KCNMA1: variants seen among roughly 807,000 people sequenced by gnomAD.
KCNMA1 encodes Calcium-activated potassium channel subunit alpha-1.
A neutral mutation model predicts 140.0 loss-of-function variants in KCNMA1; 29 were observed. The observed-to-expected ratio is 0.21, with a 90% CI of 0.15 to 0.28. The LOEUF is 0.28. Ranked by LOEUF, KCNMA1 falls within the 10% of genes least tolerant of loss-of-function variation. The pLI, the probability that KCNMA1 is intolerant of heterozygous loss-of-function variation, is 1.00. For missense variants in KCNMA1, 880 were observed against 1,602.2 expected (o/e 0.55, Z 7.70); for synonymous variants, 612 against 611.9 (o/e 1.00, Z 0.00).
Position 77,397,099 on chromosome 10 carries a change from T to C in KCNMA1, c.540+6763A>G, listed in dbSNP as rs537521140. 2.4e-4 allele frequency among the ~76,000 whole-genome samples: 36 copies of C among 152,284 alleles called. No homozygotes were observed. The South Asian group carries it at 7.0e-3, about 30-fold the overall frequency. On this transcript the variant is annotated intron_variant, in intron 2 of 27. Transcript: ENST00000286628. ...ATCAACATGGAAATGAATATGAACA[T>C]GCAGAAACTAAGTGACAATGTGGAT...
chr10:77,282,621 G>A (rs979908575), intron 2 of KCNMA1, among the ~76,000 whole-genome samples: 5 of 152,172 alleles, frequency 3.3e-5, no homozygotes, highest in African/African-American at 1.2e-4. Context: ...GGCTTCTTCT[G>A]TGGAATAATT....
At chr10:77,115,982 G>A (rs1040757326) in intron 6 of KCNMA1, among the ~76,000 whole-genome samples, 1 of 152,156 alleles carries the variant, frequency 6.6e-6, no homozygotes, top group African/African-American at 2.4e-5. Flanking sequence ...AAGAAAGAGT[G>A]AGGCACGCCA....
intron 25 of KCNMA1, among the ~76,000 whole-genome samples, chr10:76,892,292 G>T (rs1431818242): frequency 6.6e-6 from 1 of 152,190 alleles, no homozygotes; most frequent in Non-Finnish European, 1.5e-5. Flanking sequence ...GAATGTCCTG[G>T]TAAGTGTACT....
intron 1 of KCNMA1, among the ~76,000 whole-genome samples, chr10:77,486,395 T>C (rs2098460946): frequency 3.3e-5 from 5 of 152,154 alleles, no homozygotes; most frequent in Admixed American, 3.3e-4. Flanking sequence ...TCAAACTGCA[T>C]AGCTGAGGTA....
intron 13 of KCNMA1, among the ~76,000 whole-genome samples, chr10:77,076,476 C>G (rs772278499): frequency 1.3e-5 from 2 of 152,144 alleles, no homozygotes; most frequent in Non-Finnish European, 2.9e-5. Flanking sequence ...AGCATCAGCC[C>G]TTCTATAATG....
intron 1 of KCNMA1, among the ~76,000 whole-genome samples, chr10:77,445,786 TGA>T (rs2097518763): frequency 6.6e-6 from 1 of 152,154 alleles, no homozygotes; most frequent in South Asian, 2.1e-4. Context: ...TCGGTCAAGC[TGA>T]GAGAGGCTAG....
chr10:76,973,671 A>C (rs2076707533), intron 19 of KCNMA1, among the ~76,000 whole-genome samples: 1 of 152,206 alleles, frequency 6.6e-6, no homozygotes, highest in African/African-American at 2.4e-5. Flanking sequence ...ACTTTTCATC[A>C]GCATTCTGTT....
At chr10:77,607,870 C>T (rs907515934) in intron 1 of KCNMA1, among the ~76,000 whole-genome samples, 1 of 152,088 alleles carries the variant, frequency 6.6e-6, no homozygotes, top group Non-Finnish European at 1.5e-5. Flanking sequence ...AAACTGACAC[C>T]CACACTCAGC....
rs1021128465 is a variant in KCNMA1, at chr10:76,969,916, G to A, written c.2360+58C>T. 275 of 1,366,646 alleles carry A rather than the reference G, an allele frequency of 2.0e-4. 1 individual carries two copies. Among genetic ancestry groups the A allele is most frequent in the Non-Finnish European group, 2.6e-4 (247 of 956,494 alleles). 84.7% of individuals were successfully genotyped at this position (1,366,646 alleles called of 1,614,324 possible). The stretch of plus-strand genomic sequence containing the variant: ...GGGCCTGGCAGGGTGAGGAGAGGGC[G>A]AGGGGAGGAAGAGAAGGGCTAAGAG... On this transcript the variant is annotated intron_variant, in intron 20 of 27. Transcript: ENST00000286628.
intron 23 of KCNMA1, among the ~76,000 whole-genome samples, chr10:76,938,852 G>C (rs1453132047): frequency 6.6e-6 from 1 of 151,866 alleles, no homozygotes; most frequent in Admixed American, 6.6e-5. Flanking sequence ...AGCTCACTTT[G>C]CCTCCACCTG....
chr10:77,117,207 G>A (rs2097496645), intron 6 of KCNMA1, among the ~76,000 whole-genome samples: 1 of 152,122 alleles, frequency 6.6e-6, no homozygotes, highest in African/African-American at 2.4e-5. Context: ...TTTATCCTAT[G>A]TGATTTTGTG....
intron 2 of KCNMA1, among the ~76,000 whole-genome samples, chr10:77,339,046 T>C (rs2090115915): frequency 6.6e-6 from 1 of 152,074 alleles, no homozygotes; most frequent in South Asian, 2.1e-4. Flanking sequence ...AAACAACCTT[T>C]ATGTATAAAC....
intron 2 of KCNMA1, among the ~76,000 whole-genome samples, chr10:77,349,653 C>T (rs939218895): frequency 9.2e-5 from 14 of 152,096 alleles, no homozygotes; most frequent in African/African-American, 3.1e-4. Flanking sequence ...TAGAGTCAAT[C>T]AGAAAATCAT....
chr10:77,251,368 C>A, intron 2 of KCNMA1, 112 bp from the exon 3 acceptor site: 2 of 803,906 alleles, frequency 2.5e-6, no homozygotes, highest in Non-Finnish European at 4.3e-6. Flanking sequence ...CCCTTGGGGA[C>A]CTGCTTGGAA....
chr10:77,308,195 C>T (rs1017521774), intron 2 of KCNMA1, among the ~76,000 whole-genome samples: 1 of 152,130 alleles, frequency 6.6e-6, no homozygotes, highest in African/African-American at 2.4e-5. Flanking sequence ...AGGCTCAGCA[C>T]TGAACTATCT....
chr10:77,327,687 C>T (rs552821286), intron 2 of KCNMA1, among the ~76,000 whole-genome samples: 3 of 152,190 alleles, frequency 2.0e-5, no homozygotes, highest in African/African-American at 7.2e-5. Context: ...CAACCACATC[C>T]TCCTATAAGG....
At chr10:76,877,701 T>C (rs766857763), downstream of KCNMA1, 10 of 1,542,886 alleles carry the variant, frequency 6.5e-6, no homozygotes, top group Non-Finnish European at 8.8e-6. Context: ...TTATGAAGTT[T>C]GTCAGGCTTT....
chr10:77,224,072 G>A (rs951282251), intron 3 of KCNMA1, among the ~76,000 whole-genome samples: 1 of 152,190 alleles, frequency 6.6e-6, no homozygotes, highest in Non-Finnish European at 1.5e-5. Flanking sequence ...CTCAACTGCT[G>A]CTTCTGCCTT....
chr10:77,130,707 A>G (rs1193270157), intron 5 of KCNMA1, among the ~76,000 whole-genome samples: 1 of 152,196 alleles, frequency 6.6e-6, no homozygotes, highest in African/African-American at 2.4e-5. Flanking sequence ...CCACAAGAAC[A>G]AAAAGAATGG....
Sources: allele counts gnomAD v4.1 joint callset (sites outside exome capture counted in the v4.1 genomes callset), GRCh38; gene constraint gnomAD v4.1.1; transcripts MANE v1.5; gene names NCBI Gene and HGNC (gene_info 2026-07-23, HGNC 2026-07-21).